Variants in TG observed in about 807,000 individuals in gnomAD.
TG encodes thyroid hormones.
Under a neutral mutation model 324.7 loss-of-function variants are expected in TG, and 270 were observed. The observed-to-expected ratio is 0.83, with a 90% confidence interval of 0.75 to 0.92. The LOEUF is 0.92. Among genes scored for constraint, TG ranks in the 40% least tolerant of loss-of-function variants. The pLI, the probability that TG is intolerant of heterozygous loss-of-function variation, is 0.00. For missense variants in TG, 3,591 were observed against 3,456.4 expected, an observed-to-expected ratio of 1.04 and a Z score of -0.98; for synonymous variants, 1,401 against 1,327.0, an observed-to-expected ratio of 1.06 and a Z score of -1.21.
intron 8 of TG, among the ~76,000 whole-genome samples, chr8:132,885,298 T>A (rs991307507): frequency 6.6e-6 from 1 of 152,182 alleles, no homozygotes; most frequent in African/African-American, 2.4e-5. Context: ...ATAGAATGAC[T>A]TGACCATGCA....
intron 34 of TG, among the ~76,000 whole-genome samples, chr8:132,982,974 C>A (rs1831068235): frequency 6.6e-6 from 1 of 152,188 alleles, no homozygotes; most frequent in South Asian, 2.1e-4. Flanking sequence ...TAGGCAAAAG[C>A]TCTAAGAGCA....
At position 133,003,941 on chromosome 8, in the gene TG, C is replaced by T. The variant is rs138089085; in HGVS notation, c.6263-7960C>T. ...CCCTCTGTGAACCTCACTTTTCCCT[C>T]CTATAAAGTAGGGTTAGGACAGTTC... is the stretch of plus-strand genomic sequence containing the variant. On this transcript the variant is annotated intron_variant, in intron 35 of 47. Coordinates refer to ENST00000220616, the MANE Select transcript of TG (RefSeq NM_003235.5). Among the ~76,000 whole-genome samples, 63 of 152,306 alleles carry T rather than the reference C, an allele frequency of 4.1e-4. No individual in the cohort carries two copies. The South Asian group carries it at 7.3e-3, about 18-fold the overall frequency.
Position 133,119,927 on chromosome 8 carries a change from G to C in TG, c.7862+3211G>C, listed in dbSNP as rs142104824. Among the ~76,000 whole-genome samples the C allele has an allele frequency of 8.4e-4, 128 of 152,328 alleles. No individual in the cohort carries two copies. The Middle Eastern group carries it at 0.01, about 12-fold the overall frequency. Reference sequence around the variant, plus strand: ...TTGTAAGAAGAAAAATAAGTGGCAGGCCAGGATTCTGGGAAGGAGGCATTG... The same window carrying C: ...TTGTAAGAAGAAAAATAAGTGGCAGCCCAGGATTCTGGGAAGGAGGCATTG... On this transcript the variant is annotated intron_variant, in intron 45 of 47. Coordinates refer to ENST00000220616, the MANE Select transcript of TG (RefSeq NM_003235.5).
intron 41 of TG, among the ~76,000 whole-genome samples, chr8:133,067,926 AG>A: frequency 6.7e-6 from 1 of 149,364 alleles, no homozygotes; most frequent in Non-Finnish European, 1.5e-5. Context: ...AAAGAGAGAG[AG>A]AGAGAAAGAA....
chr8:133,098,914 C>G (rs1848841630), intron 43 of TG, among the ~76,000 whole-genome samples: 1 of 152,192 alleles, frequency 6.6e-6, no homozygotes, highest in African/African-American at 2.4e-5. Context: ...CCAGGAGTGT[C>G]TAGAAGTTTC....
At chr8:133,002,101 G>A in intron 35 of TG, 1 of 985,430 alleles carries the variant, frequency 1.0e-6, no homozygotes, top group South Asian at 4.7e-5. Flanking sequence ...GTTGGAGAGA[G>A]TGTCAGGCAT....
intron 35 of TG, among the ~76,000 whole-genome samples, chr8:132,994,104 T>C (rs1157138071): frequency 6.6e-6 from 1 of 152,190 alleles, no homozygotes; most frequent in Non-Finnish European, 1.5e-5. Context: ...GATTCTCATC[T>C]AGAATGGCAA....
chr8:133,060,444 A>G, intron 41 of TG: 1 of 1,351,916 alleles, frequency 7.4e-7, no homozygotes, highest in South Asian at 1.4e-5. Context: ...TGTTGGTGGC[A>G]AAAGTTTCCA....
At chr8:133,010,278 A>G (rs1038354881) in intron 35 of TG, among the ~76,000 whole-genome samples, 3 of 152,122 alleles carry the variant, frequency 2.0e-5, no homozygotes, top group Admixed American at 2.0e-4. Context: ...CCCCTACCCA[A>G]CCCCTCATTT....
rs1378864322 is a variant in TG, at chr8:133,131,948, T to C, written c.7997+2T>C. The C allele has an allele frequency of 6.2e-7, 1 of 1,613,928 alleles. No individual in the cohort carries two copies. The highest frequency in any genetic ancestry group is 1.7e-5 in the Admixed American group (1 of 60,000). On this transcript the variant is annotated splice_donor_variant, in intron 46 of 47. Coordinates refer to ENST00000220616, the MANE Select transcript of TG (RefSeq NM_003235.5). LOFTEE classifies it high-confidence loss of function. ...CTTTTCCCACTTCATCAGATCAGGGTAATTTTGGACCACTTGTTCAGAATT... is the reference window on the plus strand; with the variant it reads ...CTTTTCCCACTTCATCAGATCAGGGCAATTTTGGACCACTTGTTCAGAATT...
intron 35 of TG, among the ~76,000 whole-genome samples, chr8:132,989,892 C>T (rs1832090850): frequency 2.0e-5 from 3 of 152,154 alleles, no homozygotes. Context: ...CACTGAGTAT[C>T]TGGGCCAGAT....
At chr8:133,040,984 A>G (rs1587842346) in intron 41 of TG, among the ~76,000 whole-genome samples, 1 of 152,332 alleles carries the variant, frequency 6.6e-6, no homozygotes, top group East Asian at 1.9e-4. Flanking sequence ...CTTTCCAGGC[A>G]CATTACGATG....
intron 43 of TG, among the ~76,000 whole-genome samples, chr8:133,108,869 C>T (rs1263680994): frequency 7.2e-5 from 11 of 152,176 alleles, no homozygotes; most frequent in African/African-American, 2.7e-4. Flanking sequence ...TCCTGAGGGC[C>T]ATGGGGGCCC....
chr8:133,011,770 G>T, intron 35 of TG, 131 bp from the exon 36 acceptor site: 2 of 1,084,798 alleles, frequency 1.8e-6, no homozygotes, highest in South Asian at 2.5e-5. Flanking sequence ...AAGCTATAAG[G>T]TTGCACAGGA....
chr8:132,927,308 A>G (rs1822018499), intron 22 of TG, among the ~76,000 whole-genome samples: 1 of 152,124 alleles, frequency 6.6e-6, no homozygotes, highest in African/African-American at 2.4e-5. Flanking sequence ...TATACAGGAA[A>G]GTAGTCTCTC....
At chr8:132,922,742 C>T (rs112128555) in intron 21 of TG, among the ~76,000 whole-genome samples, 1 of 152,224 alleles carries the variant, frequency 6.6e-6, no homozygotes, top group African/African-American at 2.4e-5. Flanking sequence ...CGCCTTCTCA[C>T]TGTGCCCTCA....
intron 35 of TG, chr8:132,995,655 A>G (rs1832803597): frequency 2.4e-6 from 1 of 424,856 alleles, no homozygotes; most frequent in Non-Finnish European, 3.2e-6. Context: ...CTCTCCATGT[A>G]GCTTTTGTGT....
intron 41 of TG, among the ~76,000 whole-genome samples, chr8:133,085,376 A>G (rs1001198720): frequency 6.6e-6 from 1 of 152,252 alleles, no homozygotes; most frequent in African/African-American, 2.4e-5. Context: ...AATTTAAAAA[A>G]TTCTGTGCTC....
rs150331872 is a variant in TG at position 132,911,252 on chromosome 8, C to T, written c.4003-125C>T. Reference sequence around the variant, plus strand: ...AAGGGGGTCACTATTCCTTGACCCCCTGAAGTAGGGTTGGTGGAGGATTGA... The same window carrying T: ...AAGGGGGTCACTATTCCTTGACCCCTTGAAGTAGGGTTGGTGGAGGATTGA... On this transcript the variant is annotated intron_variant, in intron 18 of 47. Coordinates refer to ENST00000220616, the MANE Select transcript of TG (RefSeq NM_003235.5). The T allele has an allele frequency of 1.5e-5, 24 of 1,564,758 alleles. No individual in the cohort carries two copies. The South Asian group carries it at 2.3e-4, about 15-fold the overall frequency.
Sources: allele counts gnomAD v4.1 joint callset (sites outside exome capture counted in the v4.1 genomes callset), GRCh38; gene constraint gnomAD v4.1.1; transcripts MANE v1.5; gene names NCBI Gene and HGNC (gene_info 2026-07-23, HGNC 2026-07-21).